The following USO1 variants were observed in gnomAD, a reference collection of about 807,000 sequenced individuals.
The protein encoded by USO1 is general vesicular transport factor p115.
In USO1, 57 loss-of-function variants were observed where a neutral mutation model predicts 124.5. The ratio of observed to expected loss-of-function variants is 0.46; its 90% CI spans 0.37 to 0.57. The LOEUF is 0.57. Ranked by LOEUF, USO1 falls within the 20% of genes least tolerant of loss-of-function variation. The pLI is 0.00. For missense variants in USO1, 900 were observed against 1,040.6 expected (o/e 0.86, Z 1.86); for synonymous variants, 369 against 362.8 (o/e 1.02, Z -0.19).
chr4:75,752,348 A>G, intron 1 of USO1, 25 bp from the exon 2 acceptor site: 1 of 398,038 alleles, frequency 2.5e-6, no homozygotes, highest in South Asian at 1.3e-4. Context: ...TATTCTTTTA[A>G]TGCCATTTTA....
In USO1 at chr4:75,770,553, C is replaced by A; in HGVS notation, c.396+14C>A. On this transcript the variant is annotated intron_variant, in intron 5 of 23. Transcript: ENST00000514213. ...TCTTTATTGGAGGTAAATAGGGAAC[C>A]TTGATGTTTTTGTCATCTTAATAAG... is the stretch of plus-strand genomic sequence containing the variant. The A allele has an allele frequency of 6.4e-7, 1 of 1,551,374 alleles. No homozygotes were observed. Among genetic ancestry groups the A allele is most frequent in the South Asian group, 1.2e-5 (1 of 81,464 alleles).
intron 3 of USO1, among the ~76,000 whole-genome samples, chr4:75,756,529 G>T (rs1364770202): frequency 1.6e-5 from 2 of 126,022 alleles, no homozygotes; most frequent in South Asian, 4.9e-4. Context: ...TTTTTGAGAC[G>T]GAGTTTTGCT....
intron 4 of USO1, among the ~76,000 whole-genome samples, chr4:75,769,366 C>T (rs1721857814): frequency 6.6e-6 from 1 of 152,156 alleles, no homozygotes; most frequent in African/African-American, 2.4e-5. Context: ...AATTAATCAA[C>T]TGGAAAACAT....
chr4:75,779,385 T>C (rs1458658663), intron 8 of USO1, among the ~76,000 whole-genome samples: 1 of 152,192 alleles, frequency 6.6e-6, no homozygotes, highest in Admixed American at 6.5e-5. Context: ...GAGGAAGGCA[T>C]GTTAAAAGCT....
At position 75,799,562 on chromosome 4, in the gene USO1, A is replaced by G. The variant is rs370765198; in HGVS notation, c.1453-60A>G. 47 of 1,587,238 alleles carry G rather than the reference A, an allele frequency of 3.0e-5. 1 individual carries two copies. Among genetic ancestry groups the G allele is most frequent in the East Asian group, 2.3e-4 (10 of 44,364 alleles). On this transcript the variant is annotated intron_variant, in intron 13 of 23. Coordinates refer to ENST00000514213, the MANE Select transcript of USO1 (RefSeq NM_003715.4). ...TGCAAATGGAAGGGATCTTAGGGCA[A>G]CTTTAAGTTTGAAAAATATAAAATG...
At chr4:75,801,315 C>G (rs1167443005) in intron 17 of USO1, 115 bp downstream of exon 17, 1 of 1,254,084 alleles carries the variant, frequency 8.0e-7, no homozygotes, top group Non-Finnish European at 1.0e-6. Flanking sequence ...CAAAACCCAT[C>G]ATTTTTCAAA....
rs1056049659 is a variant in USO1, at chr4:75,755,349, A to G, written c.219-2148A>G. 8.9e-6 allele frequency: 4 copies of G among 449,464 alleles called. 1 individual carries two copies. In the East Asian group the frequency reaches 2.3e-4, roughly 26 times the overall value. 27.8% of individuals were successfully genotyped at this position (449,464 alleles called of 1,614,324 possible). On this transcript the variant is annotated intron_variant, in intron 3 of 23. Transcript: ENST00000514213. Reference sequence around the variant, plus strand: ...CATCTCCAAAGTATTATTTTCCTCCAGTCTCTTTGTATTTCCATTCAGTCT... The same window carrying G: ...CATCTCCAAAGTATTATTTTCCTCCGGTCTCTTTGTATTTCCATTCAGTCT...
At chr4:75,779,195 T>C (rs2149173268) in intron 8 of USO1, among the ~76,000 whole-genome samples, 1 of 152,252 alleles carries the variant, frequency 6.6e-6, no homozygotes, top group South Asian at 2.1e-4. Context: ...TCCCACTCTG[T>C]CTTCCCCTCT....
chr4:75,813,296 T>C lies in USO1; in HGVS notation c.*1T>C, dbSNP rs770250375. On this transcript the variant is annotated 3_prime_UTR_variant, in exon 24 of 24. Transcript: ENST00000514213. ...TGGCAAGGATCTAGATCATATCTAG[T>C]TTTCAAATCTCTAGGAACAATAGAG... 1 of 1,593,378 alleles carries C rather than the reference T, an allele frequency of 6.3e-7. No homozygotes were observed. The highest frequency in any genetic ancestry group is 8.5e-7 in the Non-Finnish European group (1 of 1,173,614).
rs780651523 is a variant in USO1 at position 75,808,957 on chromosome 4, T to A, written c.2381T>A (p.Leu794Gln). 1 of 1,596,444 alleles carries A rather than the reference T, an allele frequency of 6.3e-7. No homozygotes were observed. Among genetic ancestry groups the A allele is most frequent in the South Asian group, 1.2e-5 (1 of 86,830 alleles). ...SEQVAELKQE[L>Q]ATLKSQLNSQ... is the part of the protein sequence containing the mutation. ...TCAACTATTTTTGTCTCTTAGGAAC[T>A]GGCAACTTTAAAGTCTCAGTTAAAC... is the stretch of plus-strand genomic sequence containing the variant. The change falls in exon 21 of 24, where the codon CTG becomes CAG. Residue 794 changes from leucine (L) to glutamine (Q), a missense_variant. Physicochemically the swap from Leu to Gln is moderately radical, Grantham distance 113. Transcript: ENST00000514213.
intron 4 of USO1, among the ~76,000 whole-genome samples, chr4:75,761,542 G>T (rs1215723794): frequency 2.6e-5 from 4 of 152,168 alleles, no homozygotes; most frequent in Non-Finnish European, 5.9e-5. Context: ...TATTGATATT[G>T]TCCCTTTAAA....
Position 75,752,438 on chromosome 4 carries a change from T to G in USO1, c.132T>G (p.Arg44=). The G allele has an allele frequency of 2.5e-6, 1 of 398,486 alleles. No homozygotes were observed. The highest frequency in any genetic ancestry group is 4.4e-6 in the Non-Finnish European group (1 of 226,008). 24.7% of individuals were successfully genotyped at this position (398,486 alleles called of 1,614,324 possible). A position where few individuals can be genotyped will look rare whatever the true frequency, so the allele number is the denominator to read the frequency against. Residue 44 remains arginine, a synonymous_variant, in exon 2 of 24, where the codon CGT becomes CGG. Transcript: ENST00000514213. ...TLLDDRRNAV[R]ALKSLSKKYR... The stretch of plus-strand genomic sequence containing the variant: ...TGGATGATCGAAGAAATGCTGTTCG[T>G]GCTCTCAAATCATTATCTAAGGTTT...
chr4:75,788,087 A>G (rs1359450300), intron 10 of USO1, among the ~76,000 whole-genome samples: 2 of 151,280 alleles, frequency 1.3e-5, no homozygotes, highest in East Asian at 1.9e-4. Flanking sequence ...TTTTTTTGCC[A>G]TCTTCCTAGG....
chr4:75,797,113 G>A (rs1577968548), intron 13 of USO1, among the ~76,000 whole-genome samples: 1 of 152,052 alleles, frequency 6.6e-6, no homozygotes, highest in Non-Finnish European at 1.5e-5. Flanking sequence ...GTTCAAGGCT[G>A]CAGTGAGCTA....
At chr4:75,729,351 G>A (rs1175350623) in intron 1 of USO1, among the ~76,000 whole-genome samples, 5 of 150,938 alleles carry the variant, frequency 3.3e-5, no homozygotes, top group African/African-American at 1.2e-4. Flanking sequence ...TTTGGGTAGG[G>A]GGGTGGGGTA....
At chr4:75,794,147 G>T (rs894574753) in intron 13 of USO1, among the ~76,000 whole-genome samples, 2 of 152,192 alleles carry the variant, frequency 1.3e-5, no homozygotes, top group Non-Finnish European at 2.9e-5. Context: ...AAGGTATTTT[G>T]AGGGTTTTGT....
chr4:75,770,474 A>AGC lies in USO1; in HGVS notation c.332_333dup (p.Gln112AlafsTer33), dbSNP rs768826278. ...CACAAGACAGAGTGAAGATTTGGGA[A>AGC]GCCAATTTACAGAAATTTTCATTAA... On this transcript the variant is annotated frameshift_variant, in exon 5 of 24. Transcript: ENST00000514213. LOFTEE classifies it high-confidence loss of function. 4 of 1,593,082 alleles carry AGC rather than the reference A, an allele frequency of 2.5e-6. No homozygotes were observed. The South Asian group carries it at 4.6e-5, about 18-fold the overall frequency.
Position 75,809,009 on chromosome 4 carries a change from A to G in USO1, c.2433A>G (p.Leu811=). 1 of 1,605,240 alleles carries G rather than the reference A, an allele frequency of 6.2e-7. No homozygotes were observed. The highest frequency in any genetic ancestry group is 8.5e-7 in the Non-Finnish European group (1 of 1,176,032). ...CACAATCTGTGGAGATCACCAAACT[A>G]CAGACAGAAAAGCAGGAACTGTTAC... ...LNSQSVEITK[L]QTEKQELLQK... Residue 811 remains leucine (L), a synonymous_variant, in exon 21 of 24, where the codon CTA becomes CTG. Transcript: ENST00000514213.
chr4:75,813,327 A>G lies in USO1; in HGVS notation c.*32A>G. On this transcript the variant is annotated 3_prime_UTR_variant, in exon 24 of 24. Coordinates refer to ENST00000514213, the MANE Select transcript of USO1 (RefSeq NM_003715.4). ...AATCTCTAGGAACAATAGAGATTATATCATAACTCTGAAGATGGACTCTAA... is the reference window on the plus strand; with the variant it reads ...AATCTCTAGGAACAATAGAGATTATGTCATAACTCTGAAGATGGACTCTAA... The G allele has an allele frequency of 3.9e-6, 6 of 1,528,832 alleles. No individual in the cohort carries two copies. Among genetic ancestry groups the G allele is most frequent in the African/African-American group, 2.8e-5 (2 of 70,758 alleles). The allele number at this position is 1,528,832 out of a possible 1,614,324, so 94.7% of individuals were successfully genotyped here.
Sources: allele counts gnomAD v4.1 joint callset (sites outside exome capture counted in the v4.1 genomes callset), GRCh38; gene constraint gnomAD v4.1.1; transcripts MANE v1.5; gene names NCBI Gene and HGNC (gene_info 2026-07-23, HGNC 2026-07-21).